RXRA: variants seen among roughly 807,000 people sequenced by gnomAD.
RXRA encodes retinoic acid receptor RXR-alpha.
RXRA carries 5 observed loss-of-function variants against 44.5 expected under a neutral mutation model. The ratio of observed to expected loss-of-function variants is 0.11; its 90% CI spans 0.06 to 0.24. The LOEUF (loss-of-function observed/expected upper bound fraction) is 0.24. Ranked by LOEUF, RXRA falls within the 10% of genes least tolerant of loss-of-function variation. RXRA has a pLI of 1.00. For missense variants in RXRA, 412 were observed against 646.5 expected, an observed-to-expected ratio of 0.64 and a Z score of 3.93; for synonymous variants, 291 against 271.4, an observed-to-expected ratio of 1.07 and a Z score of -0.71.
In RXRA at chr9:134,422,920, C is replaced by T. The variant is rs34036205; in HGVS notation, c.910+1115C>T. 185 of 985,488 alleles carry T rather than the reference C, an allele frequency of 1.9e-4. 1 individual carries two copies. In the African/African-American group the frequency reaches 3.0e-3, roughly 16 times the overall value. 61.0% of individuals were successfully genotyped at this position (985,488 alleles called of 1,614,324 possible). A position where few individuals can be genotyped will look rare whatever the true frequency, so the allele number is the denominator to read the frequency against. ...CTGCCCTTCTCCTCCCACTCCAAGG[C>T]CGCAGCTCTCTTTCCATGCGGTAAT... is the stretch of plus-strand genomic sequence containing the variant. On this transcript the variant is annotated intron_variant, in intron 6 of 9. Coordinates refer to ENST00000481739, the MANE Select transcript of RXRA (RefSeq NM_002957.6).
rs1286999059 is a variant in RXRA at position 134,342,613 on chromosome 9, G to A, written c.28+15954G>A. ...CAAGGGACTGCTTGGGAGCTGCTGTGAGCCCAGGCAGGTGGTGGGGCTGCG... is the reference window on the plus strand; with the variant it reads ...CAAGGGACTGCTTGGGAGCTGCTGTAAGCCCAGGCAGGTGGTGGGGCTGCG... On this transcript the variant is annotated intron_variant, in intron 1 of 9. Coordinates refer to ENST00000481739, the MANE Select transcript of RXRA (RefSeq NM_002957.6). This position sits in a 1 kb window ranked among gnomAD's most constrained non-coding sequence, Gnocchi z 4.4. 6.6e-6 allele frequency among the ~76,000 whole-genome samples: 1 copy of A among 152,190 alleles called. No individual in the cohort carries two copies. The highest frequency in any genetic ancestry group is 2.4e-5 in the African/African-American group (1 of 41,448).
intron 1 of RXRA, among the ~76,000 whole-genome samples, chr9:134,391,127 C>T (rs779620064): frequency 6.6e-6 from 1 of 152,194 alleles, no homozygotes; most frequent in Admixed American, 6.5e-5. Context: ...GGGGATGTCC[C>T]CCAGAGAGGC....
At chr9:134,390,165 G>A (rs1000373850) in intron 1 of RXRA, among the ~76,000 whole-genome samples, 1 of 152,180 alleles carries the variant, frequency 6.6e-6, no homozygotes, top group African/African-American at 2.4e-5. Flanking sequence ...TTGGTGCAGG[G>A]TGGAGTCCGC....
At chr9:134,388,226 T>TA (rs2119116144) in intron 1 of RXRA, among the ~76,000 whole-genome samples, 1 of 152,032 alleles carries the variant, frequency 6.6e-6, no homozygotes, top group African/African-American at 2.4e-5. Flanking sequence ...CCTAGGCTGT[T>TA]AGACTGTGCT....
At position 134,439,182 on chromosome 9, in the gene RXRA, G is replaced by A. The variant is rs1000139611; in HGVS notation, c.*2568G>A. On this transcript the variant is annotated 3_prime_UTR_variant, in exon 10 of 10. Coordinates refer to ENST00000481739, the MANE Select transcript of RXRA (RefSeq NM_002957.6). ...GACAATCTTTAATTTTCTAAAGATA[G>A]CACTAACATCAGCTCATTAGCCACC... The A allele has an allele frequency of 6.6e-5, 10 of 152,196 alleles. No individual in the cohort carries two copies. Among genetic ancestry groups the A allele is most frequent in the African/African-American group, 9.7e-5 (4 of 41,442 alleles). The allele number at this position is 152,196 out of a possible 1,614,324, so 9.4% of individuals were successfully genotyped here. A position where few individuals can be genotyped will look rare whatever the true frequency, so the allele number is the denominator to read the frequency against.
chr9:134,344,200 C>T (rs1199589823), intron 1 of RXRA, among the ~76,000 whole-genome samples: 1 of 152,200 alleles, frequency 6.6e-6, no homozygotes, highest in Non-Finnish European at 1.5e-5. Context: ...AGGTCTGCCC[C>T]CACCCTGCCC....
Position 134,365,659 on chromosome 9 carries a change from G to A in RXRA, c.29-35973G>A, listed in dbSNP as rs1410028961. 6.6e-6 allele frequency among the ~76,000 whole-genome samples: 1 copy of A among 152,012 alleles called. No homozygotes were observed. The highest frequency in any genetic ancestry group is 1.5e-5 in the Non-Finnish European group (1 of 67,980). On this transcript the variant is annotated intron_variant, in intron 1 of 9. Coordinates refer to ENST00000481739, the MANE Select transcript of RXRA (RefSeq NM_002957.6). The surrounding 1 kb of genome is among the most constrained non-coding windows in gnomAD (Gnocchi z 4.0). ...GCCTGGGACTGGGCGGGGACAGTGGGGATGAGTTTCAGGTCTGTTCTTGGT... is the reference window on the plus strand; with the variant it reads ...GCCTGGGACTGGGCGGGGACAGTGGAGATGAGTTTCAGGTCTGTTCTTGGT...
chr9:134,416,827 C>A (rs2119176961), intron 4 of RXRA, among the ~76,000 whole-genome samples: 1 of 152,326 alleles, frequency 6.6e-6, no homozygotes, highest in South Asian at 2.1e-4. Flanking sequence ...TCCAGGAAGG[C>A]TTCCTGGTTC....
chr9:134,331,052 G>T (rs1464684179), intron 1 of RXRA, among the ~76,000 whole-genome samples: 1 of 152,148 alleles, frequency 6.6e-6, no homozygotes, highest in African/African-American at 2.4e-5. Context: ...ACAGACTCAG[G>T]AATAGAGGAC....
intron 1 of RXRA, among the ~76,000 whole-genome samples, chr9:134,340,624 G>A (rs994994964): frequency 2.0e-5 from 3 of 152,176 alleles, no homozygotes; most frequent in Non-Finnish European, 4.4e-5. Flanking sequence ...AGACGGTCTC[G>A]GTGCATGAGC....
intron 9 of RXRA, 55 bp downstream of exon 9, chr9:134,434,262 C>T: frequency 7.5e-7 from 1 of 1,331,972 alleles, no homozygotes; most frequent in Non-Finnish European, 1.1e-6. Flanking sequence ...GTCTCCAGAG[C>T]CCCCACCCCC....
At chr9:134,364,161 C>T (rs1321930819) in intron 1 of RXRA, among the ~76,000 whole-genome samples, 6 of 152,190 alleles carry the variant, frequency 3.9e-5, no homozygotes, top group East Asian at 1.9e-4. Flanking sequence ...AATCTCCAGC[C>T]GCCTGAAGAC....
rs1830102118 is a variant in RXRA at position 134,342,800 on chromosome 9, C to T, written c.28+16141C>T. Among the ~76,000 whole-genome samples, 1 of 152,160 alleles carries T rather than the reference C, an allele frequency of 6.6e-6. No individual in the cohort carries two copies. The highest frequency in any genetic ancestry group is 1.5e-5 in the Non-Finnish European group (1 of 68,016). ...GGAGGCTGCCTACCTGCCTTCCTGG[C>T]CCTTCCTGCTCTGGCTGGCTCAGCA... On this transcript the variant is annotated intron_variant, in intron 1 of 9. Coordinates refer to ENST00000481739, the MANE Select transcript of RXRA (RefSeq NM_002957.6). The surrounding 1 kb of genome is among the most constrained non-coding windows in gnomAD (Gnocchi z 4.4).
At chr9:134,392,862 C>T (rs988449200) in intron 1 of RXRA, among the ~76,000 whole-genome samples, 1 of 151,952 alleles carries the variant, frequency 6.6e-6, no homozygotes, top group Non-Finnish European at 1.5e-5. Flanking sequence ...GGAGGAGTAG[C>T]GGCTGCGTTG....
At chr9:134,339,617 GTCTC>G (rs1830058787) in intron 1 of RXRA, among the ~76,000 whole-genome samples, 1 of 149,676 alleles carries the variant, frequency 6.7e-6, no homozygotes, top group South Asian at 2.1e-4. Context: ...TTCTGTGTGA[GTCTC>G]TGTGTGTGTG....
At chr9:134,403,410 C>T (rs1037304768) in intron 2 of RXRA, 4 of 152,298 alleles carry the variant, frequency 2.6e-5, no homozygotes, top group African/African-American at 9.6e-5. Context: ...AGCACACCAG[C>T]CCTGCCCCTG....
At chr9:134,368,315 G>C (rs1263201022) in intron 1 of RXRA, among the ~76,000 whole-genome samples, 1 of 152,234 alleles carries the variant, frequency 6.6e-6, no homozygotes, top group Non-Finnish European at 1.5e-5. Context: ...CAGTGGGCTT[G>C]AGGCCCCCTT....
intron 8 of RXRA, among the ~76,000 whole-genome samples, chr9:134,432,274 T>C (rs3132294): frequency 0.81 from 123,649 of 152,242 alleles, 50,787 homozygotes; most frequent in African/African-American, 0.95. Context: ...CCGCGGTTCA[T>C]AGTGTTCATC....
At chr9:134,333,482 G>C (rs970611932) in intron 1 of RXRA, among the ~76,000 whole-genome samples, 1 of 152,132 alleles carries the variant, frequency 6.6e-6, no homozygotes, top group Non-Finnish European at 1.5e-5. Flanking sequence ...GACTGCTGCC[G>C]TGCGTGCGGG....
Sources: allele counts gnomAD v4.1 joint callset (sites outside exome capture counted in the v4.1 genomes callset), GRCh38; gene constraint gnomAD v4.1.1; non-coding constraint Gnocchi (gnomAD v3.1); transcripts MANE v1.5; gene names NCBI Gene and HGNC (gene_info 2026-07-23, HGNC 2026-07-21).